Variants in GGA2 observed in about 807,000 individuals in gnomAD.
The protein encoded by GGA2 is golgi associated, gamma adaptin ear containing, ARF binding protein 2.
Under a neutral mutation model 79.5 loss-of-function variants are expected in GGA2, and 48 were observed. That is an observed-to-expected ratio of 0.60 (90% CI 0.48 to 0.77). The LOEUF is 0.77. Among genes scored for constraint, GGA2 ranks in the 30% least tolerant of loss-of-function variants. The pLI is 0.00. For synonymous variants in GGA2, 317 were observed against 302.0 expected (o/e 1.05, Z -0.51); for missense variants, 770 against 774.0 (o/e 0.99, Z 0.06).
chr16:23,467,431 C>CACAG lies in GGA2; in HGVS notation c.*155_*158dup, dbSNP rs1470282189. 2.2e-5 allele frequency: 13 copies of CACAG among 601,994 alleles called. No homozygotes were observed. The highest frequency in any genetic ancestry group is 2.1e-4 in the African/African-American group (11 of 53,622). The allele number at this position is 601,994 out of a possible 1,614,324, so 37.3% of individuals were successfully genotyped here. On this transcript the variant is annotated 3_prime_UTR_variant, in exon 17 of 17. Transcript: ENST00000309859. The stretch of plus-strand genomic sequence containing the variant: ...ACACACACACACACACACACACACA[C>CACAG]ACAGAGCATCTGCAGAATAAGTCAG...
chr16:23,475,128 G>A (rs1964561041), intron 13 of GGA2, 67 bp from the exon 14 acceptor site: 1 of 964,796 alleles, frequency 1.0e-6, no homozygotes, highest in Non-Finnish European at 1.6e-6. Context: ...TCTGGGTTAG[G>A]CTTATTAAAG....
In GGA2 at chr16:23,486,802, G is replaced by A. The variant is rs1964719530; in HGVS notation, c.580-12C>T. The stretch of plus-strand genomic sequence containing the variant: ...AGCCTTGTCAGAAGCTGCAGAGAGT[G>A]AACAGGAAGAGTAGGTGAGACCACA... On this transcript the variant is annotated splice_polypyrimidine_tract_variant and intron_variant, in intron 6 of 16. Transcript: ENST00000309859. The A allele has an allele frequency of 6.4e-7, 1 of 1,556,742 alleles. No homozygotes were observed. The highest frequency in any genetic ancestry group is 1.1e-5 in the South Asian group (1 of 89,928).
intron 8 of GGA2, among the ~76,000 whole-genome samples, chr16:23,485,455 C>G (rs1023594963): frequency 1.1e-4 from 16 of 152,320 alleles, no homozygotes; most frequent in Non-Finnish European, 2.2e-4. Flanking sequence ...TTGAAGATAG[C>G]TTAGCCACTT....
At chr16:23,501,387 T>C (rs1272920940) in intron 1 of GGA2, 4 of 450,032 alleles carry the variant, frequency 8.9e-6, no homozygotes, top group Admixed American at 2.5e-5. Flanking sequence ...GACATTGCAG[T>C]TGAGAACATG....
chr16:23,469,124 C>A (rs1199670608), intron 15 of GGA2, 128 bp from the exon 16 acceptor site: 4 of 603,832 alleles, frequency 6.6e-6, no homozygotes, highest in Non-Finnish European at 1.2e-5. Flanking sequence ...AAACGTGGTA[C>A]CCCGAGGCAC....
chr16:23,464,917 G>C lies in GGA2; in HGVS notation c.*2673C>G, dbSNP rs1964415398. On this transcript the variant is annotated 3_prime_UTR_variant, in exon 17 of 17. Transcript: ENST00000309859. ...GACTACCAGGCCTGTGTGTGGACGG[G>C]AAAGTCCTGAGGATTGGACTCTGGA... 5.3e-6 allele frequency: 1 copy of C among 188,704 alleles called. No individual in the cohort carries two copies. 11.7% of individuals were successfully genotyped at this position (188,704 alleles called of 1,614,324 possible).
At chr16:23,508,087 G>C (rs956727079) in intron 1 of GGA2, among the ~76,000 whole-genome samples, 1 of 146,492 alleles carries the variant, frequency 6.8e-6, no homozygotes, top group Non-Finnish European at 1.5e-5. Flanking sequence ...TTTTGAGACA[G>C]AATCTCGCCT....
chr16:23,488,768 A>C, intron 5 of GGA2, 59 bp from the exon 6 acceptor site: 1 of 952,060 alleles, frequency 1.1e-6, no homozygotes, highest in East Asian at 2.4e-5. Context: ...CTTCAGTCAG[A>C]ATCCAGTATA....
At chr16:23,472,033 G>C (rs1479583003) in intron 14 of GGA2, among the ~76,000 whole-genome samples, 1 of 152,080 alleles carries the variant, frequency 6.6e-6, no homozygotes. Context: ...CTTTTCAGAC[G>C]GGAAATTGGT....
chr16:23,520,416 C>G (rs1483762857), intron 1 of GGA2, among the ~76,000 whole-genome samples: 1 of 152,116 alleles, frequency 6.6e-6, no homozygotes, highest in African/African-American at 2.4e-5. Context: ...TAGACAGCCT[C>G]TGTGCCCTTC....
intron 3 of GGA2, 157 bp downstream of exon 3, chr16:23,494,146 C>T (rs1365355831): frequency 1.9e-5 from 12 of 630,932 alleles, no homozygotes; most frequent in Non-Finnish European, 3.2e-5. Flanking sequence ...GGTGGGGACC[C>T]TGGCCCAGAT....
chr16:23,519,383 G>A (rs1043975007), intron 2 of GGA2, among the ~76,000 whole-genome samples: 4 of 152,074 alleles, frequency 2.6e-5, no homozygotes, highest in Admixed American at 6.6e-5. Flanking sequence ...AAAAGAACAC[G>A]CTCAGGGGAA....
chr16:23,509,898 G>C (rs1965016802), intron 1 of GGA2, among the ~76,000 whole-genome samples: 1 of 151,804 alleles, frequency 6.6e-6, no homozygotes. Context: ...TGTCTTGCAC[G>C]ACTGCGTCTC....
chr16:23,478,755 C>A (rs1317282693), intron 12 of GGA2, 128 bp downstream of exon 12: 5 of 785,604 alleles, frequency 6.4e-6, no homozygotes, highest in Non-Finnish European at 1.1e-5. Flanking sequence ...AGGCTTTGGA[C>A]CTCCAAGGCC....
chr16:23,515,412 C>T (rs1965097404), upstream of GGA2, among the ~76,000 whole-genome samples: 1 of 151,442 alleles, frequency 6.6e-6, no homozygotes, highest in Non-Finnish European at 1.5e-5. Context: ...GCCTGGCCAA[C>T]ATGACAAAAC....
Position 23,486,138 on chromosome 16 carries a change from C to T in GGA2, c.675G>A (p.Ser225=), listed in dbSNP as rs762062164. The T allele has an allele frequency of 1.4e-5, 22 of 1,613,762 alleles. No individual in the cohort carries two copies. Among genetic ancestry groups the T allele is most frequent in the Middle Eastern group, 1.6e-4 (1 of 6,084 alleles). The change falls in exon 8 of 17, where the codon TCG becomes TCA. Residue 225 remains serine, a synonymous_variant. Coordinates refer to ENST00000309859, the MANE Select transcript of GGA2 (RefSeq NM_015044.4). The part of the protein sequence containing the change: ...KNLVKEEQEK[S]EKVSKRVSAV... ...CACTGACCCTCTTGGACACCTTCTC[C>T]GATTTTTCTTGTTCCTTTTGGGAAA...
intron 5 of GGA2, 46 bp downstream of exon 5, chr16:23,491,631 A>G (rs1255866744): frequency 1.9e-6 from 3 of 1,586,890 alleles, no homozygotes; most frequent in Non-Finnish European, 2.6e-6. Flanking sequence ...GCAAGAAGAT[A>G]CAGGCCTAGT....
intron 1 of GGA2, among the ~76,000 whole-genome samples, chr16:23,520,140 C>G (rs1474968199): frequency 6.6e-6 from 1 of 151,784 alleles, no homozygotes; most frequent in Non-Finnish European, 1.5e-5. Context: ...GTAATCCCAG[C>G]TACTTGGGAG....
Position 23,467,276 on chromosome 16 carries a change from C to T in GGA2, c.*314G>A, listed in dbSNP as rs544576141. On this transcript the variant is annotated 3_prime_UTR_variant, in exon 17 of 17. Transcript: ENST00000309859. ...CTCCAACCTGAGGCAGGGACAGTGT[C>T]GCTCGCTGACATGCAGAAACATGAC... The T allele has an allele frequency of 1.1e-4, 31 of 278,834 alleles. No homozygotes were observed. Among genetic ancestry groups the T allele is most frequent in the Non-Finnish European group, 1.5e-4 (22 of 146,414 alleles). 17.3% of individuals were successfully genotyped at this position (278,834 alleles called of 1,614,324 possible).
Sources: allele counts gnomAD v4.1 joint callset (sites outside exome capture counted in the v4.1 genomes callset), GRCh38; gene constraint gnomAD v4.1.1; transcripts MANE v1.5; gene names NCBI Gene and HGNC (gene_info 2026-07-23, HGNC 2026-07-21).